Variants in MTUS2 observed in about 807,000 individuals in gnomAD.
The protein encoded by MTUS2 is microtubule-associated tumor suppressor candidate 2.
MTUS2 carries 40 observed loss-of-function variants against 114.1 expected under a neutral mutation model. That is an observed-to-expected ratio of 0.35 (90% CI 0.27 to 0.46). MTUS2 has a LOEUF of 0.46. Among genes scored for constraint, MTUS2 ranks in the 20% least tolerant of loss-of-function variants. The probability of loss-of-function intolerance (pLI) is 1.00; values close to 1 mark genes in which losing one functional copy is unlikely to be tolerated. For missense variants in MTUS2, 1,679 were observed against 1,705.4 expected (o/e 0.98, Z 0.27); for synonymous variants, 688 against 672.0 (o/e 1.02, Z -0.37).
In MTUS2 at chr13:29,274,167, G is replaced by A. The variant is rs189737491; in HGVS notation, c.2645-7537G>A. ...CTCGCTCTGTCACCCAGGCTGGAGT[G>A]CAGTGTTGTGGTCTCGGCTTGCTGC... On this transcript the variant is annotated intron_variant, in intron 5 of 15. Transcript: ENST00000612955. Among the ~76,000 whole-genome samples, 27 of 152,240 alleles carry A rather than the reference G, an allele frequency of 1.8e-4. No homozygotes were observed. The East Asian group carries it at 5.2e-3, about 29-fold the overall frequency.
At chr13:29,486,586 A>G (rs1484361722) in intron 10 of MTUS2, among the ~76,000 whole-genome samples, 1 of 152,236 alleles carries the variant, frequency 6.6e-6, no homozygotes, top group Non-Finnish European at 1.5e-5. Context: ...ACCAGTGCAC[A>G]TTTTCTAGTT....
intron 2 of MTUS2, among the ~76,000 whole-genome samples, chr13:28,905,888 C>T (rs1012704583): frequency 6.6e-6 from 1 of 151,520 alleles, no homozygotes; most frequent in African/African-American, 2.4e-5. Context: ...TGGTCCTGGA[C>T]TCTTTTTGGT....
intron 2 of MTUS2, among the ~76,000 whole-genome samples, chr13:28,879,940 T>TGC (rs1474948021): frequency 6.6e-6 from 1 of 152,172 alleles, no homozygotes; most frequent in African/African-American, 2.4e-5. Context: ...AGGGTATTTG[T>TGC]GCTAATAATA....
In MTUS2 at chr13:29,355,494, G is replaced by A. The variant is rs768726530; in HGVS notation, c.2906-3768G>A. ...AGATGTTGTAGAGTGGTTCAGCAATGTGCTTAATTGGTAAGAGCCCTGGGC... is the reference window on the plus strand; with the variant it reads ...AGATGTTGTAGAGTGGTTCAGCAATATGCTTAATTGGTAAGAGCCCTGGGC... On this transcript the variant is annotated intron_variant, in intron 7 of 15. Transcript: ENST00000612955. Among the ~76,000 whole-genome samples, 60 of 152,370 alleles carry A rather than the reference G, an allele frequency of 3.9e-4. 1 individual carries two copies. The highest frequency in any genetic ancestry group is 1.4e-3 in the African/African-American group (58 of 41,588).
At chr13:29,357,845 G>T (rs1297487823) in intron 7 of MTUS2, among the ~76,000 whole-genome samples, 2 of 152,152 alleles carry the variant, frequency 1.3e-5, no homozygotes. Flanking sequence ...AGGAGGAGAA[G>T]GAATTAATTA....
At chr13:29,120,012 T>G (rs1891240915) in intron 5 of MTUS2, among the ~76,000 whole-genome samples, 1 of 152,144 alleles carries the variant, frequency 6.6e-6, no homozygotes, top group Admixed American at 6.5e-5. Flanking sequence ...TGCACATTCA[T>G]AAGAAAAGCA....
At chr13:29,323,162 T>G (rs993647634) in intron 6 of MTUS2, among the ~76,000 whole-genome samples, 2 of 152,180 alleles carry the variant, frequency 1.3e-5, no homozygotes, top group African/African-American at 4.8e-5. Context: ...TAGAAGCTAT[T>G]TCAGTGGCTA....
intron 5 of MTUS2, among the ~76,000 whole-genome samples, chr13:29,183,511 G>C (rs918151269): frequency 1.3e-5 from 2 of 152,164 alleles, no homozygotes; most frequent in African/African-American, 4.8e-5. Context: ...TGGAGCTAGA[G>C]ATGTAAAATT....
intron 5 of MTUS2, among the ~76,000 whole-genome samples, chr13:29,166,347 AC>A (rs1173781312): frequency 5.9e-5 from 9 of 152,152 alleles, no homozygotes; most frequent in African/African-American, 2.2e-4. Flanking sequence ...CCAGATATGA[AC>A]CCTCTGACCA....
intron 2 of MTUS2, among the ~76,000 whole-genome samples, chr13:28,945,190 T>TATATATATATATATATATACATACATAC (rs1566242156): frequency 6.7e-6 from 1 of 149,062 alleles, no homozygotes; most frequent in African/African-American, 2.6e-5. Flanking sequence ...TATATATATA[T>TATATATATATATATATATACATACATAC]ATATACACCA....
intron 2 of MTUS2, among the ~76,000 whole-genome samples, chr13:28,920,952 G>A (rs1160064196): frequency 6.6e-6 from 1 of 152,208 alleles, no homozygotes; most frequent in Admixed American, 6.5e-5. Flanking sequence ...TAGGGCAGTG[G>A]GCTCCCCTCT....
chr13:29,267,184 A>G (rs1190816199), intron 5 of MTUS2, among the ~76,000 whole-genome samples: 1 of 152,162 alleles, frequency 6.6e-6, no homozygotes, highest in African/African-American at 2.4e-5. Context: ...GGTATATACA[A>G]AGGGAAGATA....
chr13:29,203,534 T>A (rs2139248109), intron 5 of MTUS2, among the ~76,000 whole-genome samples: 1 of 145,116 alleles, frequency 6.9e-6, no homozygotes, highest in South Asian at 2.2e-4. Context: ...TTTGTCTCGC[T>A]GATGTTCCAA....
At chr13:29,388,741 G>A (rs946779164) in intron 8 of MTUS2, among the ~76,000 whole-genome samples, 5 of 151,642 alleles carry the variant, frequency 3.3e-5, no homozygotes, top group African/African-American at 1.2e-4. Flanking sequence ...TTGTAAGTTG[G>A]GCTAAAAAAT....
intron 2 of MTUS2, among the ~76,000 whole-genome samples, chr13:28,915,933 T>C (rs1880720711): frequency 6.6e-6 from 1 of 152,022 alleles, no homozygotes; most frequent in Non-Finnish European, 1.5e-5. Context: ...TTTGAGGTCT[T>C]AGATTTCTAA....
intron 8 of MTUS2, among the ~76,000 whole-genome samples, chr13:29,427,714 A>T (rs1342596416): frequency 3.9e-5 from 6 of 152,186 alleles, no homozygotes; most frequent in Admixed American, 2.6e-4. Flanking sequence ...AAGTTAGTAA[A>T]ATCATCTAGT....
chr13:29,237,257 G>A (rs543561250), intron 5 of MTUS2, among the ~76,000 whole-genome samples: 1 of 152,270 alleles, frequency 6.6e-6, no homozygotes, highest in East Asian at 1.9e-4. Context: ...TGTGCTCTGG[G>A]CTAGAGAAGT....
At chr13:29,001,637 T>C (rs545023186) in intron 2 of MTUS2, among the ~76,000 whole-genome samples, 1 of 152,304 alleles carries the variant, frequency 6.6e-6, no homozygotes, top group Admixed American at 6.5e-5. Context: ...TGTGCTGATG[T>C]GGCAGGCAGA....
Position 28,945,329 on chromosome 13 carries a change from G to T in MTUS2, c.-242-79128G>T, listed in dbSNP as rs192236578. Among the ~76,000 whole-genome samples the T allele has an allele frequency of 3.2e-4, 48 of 152,022 alleles. No individual in the cohort carries two copies. In the East Asian group the frequency reaches 8.5e-3, roughly 27 times the overall value. ...ATATAATGATTTTTTTTTCCTTTGG[G>T]TTTCAACCCAGTAGTGTAGAGTATT... On this transcript the variant is annotated intron_variant, in intron 2 of 15. Transcript: ENST00000612955.
Sources: gnomAD v4.1 joint callset for allele counts (sites outside exome capture counted in the v4.1 genomes callset) on GRCh38, gnomAD v4.1.1 for gene constraint, MANE v1.5 for transcripts, NCBI Gene and HGNC (gene_info 2026-07-23, HGNC 2026-07-21) for gene names.